COL11A1: variants seen among roughly 807,000 people sequenced by gnomAD.
COL11A1 encodes collagen alpha-1(XI) chain.
COL11A1 carries 74 observed loss-of-function variants against 265.2 expected under a neutral mutation model. The ratio of observed to expected loss-of-function variants is 0.28; its 90% CI spans 0.23 to 0.34. COL11A1 has a LOEUF of 0.34. COL11A1 is among the 10% of genes least tolerant of loss of function. The probability of loss-of-function intolerance (pLI) is 1.00; values close to 1 mark genes in which losing one functional copy is unlikely to be tolerated. For synonymous variants in COL11A1, 816 were observed against 727.6 expected, an observed-to-expected ratio of 1.12 and a Z score of -1.96; for missense variants, 2,165 against 2,263.6, an observed-to-expected ratio of 0.96 and a Z score of 0.88.
chr1:102,879,639 G>T (rs796151543), intron 66 of COL11A1, 44 bp downstream of exon 66: 2 of 1,549,122 alleles, frequency 1.3e-6, no homozygotes, highest in African/African-American at 2.7e-5. Context: ...GTGACATGCT[G>T]CCTATCATCT....
At chr1:103,004,405 C>T in intron 20 of COL11A1, 39 bp downstream of exon 20, 1 of 1,525,876 alleles carries the variant, frequency 6.6e-7, no homozygotes, top group Non-Finnish European at 9.0e-7. Flanking sequence ...GTCCTAAAAA[C>T]TAGAAATATT....
intron 40 of COL11A1, 100 bp downstream of exon 40, chr1:102,962,076 A>G (rs1660963040): frequency 1.8e-6 from 2 of 1,105,892 alleles, no homozygotes; most frequent in East Asian, 2.5e-5. Context: ...ATATATGTTT[A>G]TATATCTTCC....
At chr1:103,001,191 T>A (rs183486843) in intron 24 of COL11A1, 1 of 397,560 alleles carries the variant, frequency 2.5e-6, no homozygotes, top group Admixed American at 4.4e-5. Context: ...GAAACTTAGA[T>A]TGCAGCACAT....
chr1:103,013,755 A>G (rs1461216600), intron 13 of COL11A1, among the ~76,000 whole-genome samples: 1 of 151,954 alleles, frequency 6.6e-6, no homozygotes, highest in East Asian at 1.9e-4. Context: ...GAAAGTGGGT[A>G]ACCATATCCA....
intron 40 of COL11A1, 105 bp downstream of exon 40, chr1:102,962,071 T>C (rs1660962561): frequency 9.4e-7 from 1 of 1,062,186 alleles, no homozygotes; most frequent in African/African-American, 1.6e-5. Flanking sequence ...CAAATATATA[T>C]GTTTATATAT....
chr1:103,026,066 C>T (rs904398839), intron 6 of COL11A1, 150 bp downstream of exon 6: 89 of 1,230,684 alleles, frequency 7.2e-5, no homozygotes, highest in Non-Finnish European at 8.9e-5. Flanking sequence ...TTCTTCAAAA[C>T]GGCTACTGTC....
At chr1:103,018,782 T>A (rs1277870230) in intron 10 of COL11A1, 36 bp downstream of exon 10, 1 of 1,561,544 alleles carries the variant, frequency 6.4e-7, no homozygotes, top group East Asian at 2.3e-5. Flanking sequence ...ATGATTACTT[T>A]AAATAGACAA....
chr1:102,951,858 G>A (rs938955267), intron 41 of COL11A1, among the ~76,000 whole-genome samples: 4 of 152,070 alleles, frequency 2.6e-5, no homozygotes, highest in African/African-American at 4.8e-5. Context: ...TATTTTCCCT[G>A]TAAGAAATGG....
rs1286081794 is a variant in COL11A1, at chr1:102,887,933, A to G, written c.4608+644T>C. 5.9e-5 allele frequency among the ~76,000 whole-genome samples: 9 copies of G among 152,224 alleles called. No homozygotes were observed. In the East Asian group the frequency reaches 1.5e-3, roughly 26 times the overall value. The stretch of plus-strand genomic sequence containing the variant: ...GCCATGGACCTCAGAAGGAACCAAC[A>G]CTGCTGACACCTTGTTCTAGGACTT... On this transcript the variant is annotated intron_variant, in intron 62 of 66. Transcript: ENST00000370096.
At chr1:102,890,923 A>G (rs1471370032) in intron 57 of COL11A1, among the ~76,000 whole-genome samples, 1 of 152,114 alleles carries the variant, frequency 6.6e-6, no homozygotes, top group East Asian at 1.9e-4. Context: ...TGAACAGTCA[A>G]TAGATCTTTG....
intron 44 of COL11A1, among the ~76,000 whole-genome samples, chr1:102,938,775 A>G (rs1658413163): frequency 6.6e-6 from 1 of 152,154 alleles, no homozygotes; most frequent in African/African-American, 2.4e-5. Context: ...AAAAAAGACT[A>G]TTTCATTATG....
chr1:102,978,918 A>G lies in COL11A1; in HGVS notation c.2656-5T>C, dbSNP rs2101680604. 1 of 1,614,216 alleles carries G rather than the reference A, an allele frequency of 6.2e-7. No individual in the cohort carries two copies. The highest frequency in any genetic ancestry group is 8.5e-7 in the Non-Finnish European group (1 of 1,180,016). On this transcript the variant is annotated splice_polypyrimidine_tract_variant and splice_region_variant and intron_variant, in intron 33 of 66. Transcript: ENST00000370096. ...ACCTCTTGAACCTCGAGGACCCTGC[A>G]GATGAGAACAAAAGATGAACCCAAA...
chr1:102,953,913 TA>T (rs567701809), intron 41 of COL11A1, among the ~76,000 whole-genome samples: 8 of 152,286 alleles, frequency 5.3e-5, no homozygotes, highest in South Asian at 2.1e-4. Flanking sequence ...AAGGAGGGAC[TA>T]AAAATTATAG....
chr1:103,017,556 T>C (rs1008236643), intron 11 of COL11A1, among the ~76,000 whole-genome samples: 11 of 152,154 alleles, frequency 7.2e-5, no homozygotes, highest in African/African-American at 2.7e-4. Flanking sequence ...CCAGAATCCC[T>C]AATGTAATGA....
intron 4 of COL11A1, among the ~76,000 whole-genome samples, chr1:103,055,184 C>A (rs1291225763): frequency 6.6e-6 from 1 of 152,160 alleles, no homozygotes; most frequent in Non-Finnish European, 1.5e-5. Flanking sequence ...AATGCAAATA[C>A]TTAAATTATC....
At chr1:102,898,597 T>C in intron 56 of COL11A1, 69 bp downstream of exon 56, 1 of 1,252,092 alleles carries the variant, frequency 8.0e-7, no homozygotes, top group Non-Finnish European at 1.1e-6. Context: ...CATAGACACC[T>C]TCATTCAAAA....
intron 20 of COL11A1, 110 bp downstream of exon 20, chr1:103,004,334 C>T (rs936393798): frequency 6.3e-5 from 51 of 803,968 alleles, no homozygotes; most frequent in Non-Finnish European, 5.8e-5. Context: ...GTTAGCTTAG[C>T]TAAGACTGCA....
intron 3 of COL11A1, among the ~76,000 whole-genome samples, chr1:103,077,699 T>A (rs1672083620): frequency 6.6e-6 from 1 of 152,078 alleles, no homozygotes; most frequent in African/African-American, 2.4e-5. Flanking sequence ...AAATATTGAG[T>A]AAATTTAATA....
intron 6 of COL11A1, chr1:103,025,873 G>C: frequency 6.2e-7 from 1 of 1,613,366 alleles, no homozygotes. Flanking sequence ...TTCAGATTTG[G>C]GGGGTGTAAA....
Sources: gnomAD v4.1 joint callset for allele counts (sites outside exome capture counted in the v4.1 genomes callset) on GRCh38, gnomAD v4.1.1 for gene constraint, MANE v1.5 for transcripts, NCBI Gene and HGNC (gene_info 2026-07-23, HGNC 2026-07-21) for gene names.